MRPS6: variants seen among roughly 807,000 people sequenced by gnomAD.
MRPS6 encodes the protein mitochondrial ribosomal protein S6.
Under a neutral mutation model 13.1 loss-of-function variants are expected in MRPS6, and 6 were observed. The observed-to-expected ratio is 0.46, with a 90% CI of 0.25 to 0.91. The LOEUF (loss-of-function observed/expected upper bound fraction) is 0.91. Ranked by LOEUF, MRPS6 falls within the 40% of genes least tolerant of loss-of-function variation. The pLI, the probability that MRPS6 is intolerant of heterozygous loss-of-function variation, is 0.18. For missense variants in MRPS6, 164 were observed against 155.6 expected, an observed-to-expected ratio of 1.05 and a Z score of -0.29; for synonymous variants, 61 against 56.5, an observed-to-expected ratio of 1.08 and a Z score of -0.36.
At chr21:34,103,331 AC>A (rs1362499551) in intron 1 of MRPS6, 27 of 994,810 alleles carry the variant, frequency 2.7e-5, no homozygotes, top group Non-Finnish European at 2.8e-5. Flanking sequence ...AAAAAAAAAA[AC>A]ATGCATTACA....
chr21:34,078,819 A>G (rs1032225341), intron 1 of MRPS6, among the ~76,000 whole-genome samples: 1 of 152,212 alleles, frequency 6.6e-6, no homozygotes, highest in African/African-American at 2.4e-5. Context: ...AAGTTGTTGC[A>G]ATTTGATTAT....
At chr21:34,135,089 A>G (rs546268595) in intron 2 of MRPS6, among the ~76,000 whole-genome samples, 2 of 152,170 alleles carry the variant, frequency 1.3e-5, no homozygotes, top group East Asian at 1.9e-4. Flanking sequence ...AATTATTTTG[A>G]GATCAATAGT....
At chr21:34,095,098 C>T (rs1029886748) in intron 1 of MRPS6, 3 of 1,482,480 alleles carry the variant, frequency 2.0e-6, no homozygotes, top group African/African-American at 1.4e-5. Flanking sequence ...TCTGTGTAGT[C>T]CAGTTCACGT....
intron 1 of MRPS6, among the ~76,000 whole-genome samples, chr21:34,078,771 CA>C (rs1256766488): frequency 6.6e-6 from 1 of 152,118 alleles, no homozygotes; most frequent in Non-Finnish European, 1.5e-5. Context: ...GGGTAGAGAA[CA>C]AATGATAAAA....
At chr21:34,120,753 C>G (rs1332230745) in intron 1 of MRPS6, among the ~76,000 whole-genome samples, 1 of 152,042 alleles carries the variant, frequency 6.6e-6, no homozygotes, top group Non-Finnish European at 1.5e-5. Context: ...AATTTCACTT[C>G]TAGATGAATT....
rs773888906 is a variant in MRPS6, at chr21:34,096,550, C to T, written c.45+22805C>T. 6.2e-7 allele frequency: 1 copy of T among 1,614,102 alleles called. No homozygotes were observed. Among genetic ancestry groups the T allele is most frequent in the Admixed American group, 1.7e-5 (1 of 60,016 alleles). ...GAGGTAGCAGATTACCTGACACCCC[C>T]AGTGGCAGCCTTGTTCCTGCTGGCA... On this transcript the variant is annotated intron_variant, in intron 1 of 2. Coordinates refer to ENST00000399312, the MANE Select transcript of MRPS6 (RefSeq NM_032476.4). The surrounding 1 kb of genome is among the most constrained non-coding windows in gnomAD (Gnocchi z 5.9).
Position 34,106,140 on chromosome 21 carries a change from A to G in MRPS6, c.46-19201A>G, listed in dbSNP as rs1024086432. ...AAAAGTATTTGGAAACTTAAGATGAACTACATTTCTTGCAAAGTACATTCC... is the reference window on the plus strand; with the variant it reads ...AAAAGTATTTGGAAACTTAAGATGAGCTACATTTCTTGCAAAGTACATTCC... On this transcript the variant is annotated intron_variant, in intron 1 of 2. Coordinates refer to ENST00000399312, the MANE Select transcript of MRPS6 (RefSeq NM_032476.4). 5 of 995,184 alleles carry G rather than the reference A, an allele frequency of 5.0e-6. No homozygotes were observed. The African/African-American group carries it at 7.0e-5, about 14-fold the overall frequency. 61.6% of individuals were successfully genotyped at this position (995,184 alleles called of 1,614,324 possible). A position where few individuals can be genotyped will look rare whatever the true frequency, so the allele number is the denominator to read the frequency against.
intron 1 of MRPS6, chr21:34,103,775 A>G (rs1243721343): frequency 1.2e-5 from 12 of 999,946 alleles, no homozygotes; most frequent in South Asian, 4.7e-5. Flanking sequence ...AATAATCTCA[A>G]TAAGTTTGTA....
chr21:34,125,998 C>G (rs1569423968), intron 2 of MRPS6, among the ~76,000 whole-genome samples: 1 of 152,200 alleles, frequency 6.6e-6, no homozygotes, highest in Non-Finnish European at 1.5e-5. Context: ...ATACATGTCA[C>G]AGATTTGATT....
At chr21:34,095,789 T>C in intron 1 of MRPS6, 1 of 1,614,094 alleles carries the variant, frequency 6.2e-7, no homozygotes, top group South Asian at 1.1e-5. Context: ...TTGGGGCACT[T>C]ACACTTATGA....
intron 1 of MRPS6, chr21:34,105,740 AC>A: frequency 8.0e-6 from 8 of 998,192 alleles, no homozygotes; most frequent in Non-Finnish European, 9.7e-6. Flanking sequence ...TCTGTTGTCT[AC>A]AGCTTTTTTA....
Position 34,073,662 on chromosome 21 carries a change from C to T in MRPS6, c.-39C>T, listed in dbSNP as rs761453959. ...GTCCCGCCCCTTCGCGTCCCGGGAA[C>T]CGGCTGGCTTCCGAGCCGCACTCGC... is the stretch of plus-strand genomic sequence containing the variant. On this transcript the variant is annotated 5_prime_UTR_variant, in exon 1 of 3. Coordinates refer to ENST00000399312, the MANE Select transcript of MRPS6 (RefSeq NM_032476.4). 5.3e-6 allele frequency: 8 copies of T among 1,510,474 alleles called. No homozygotes were observed. The highest frequency in any genetic ancestry group is 3.7e-5 in the Admixed American group (2 of 53,776). The allele number at this position is 1,510,474 out of a possible 1,614,324, so 93.6% of individuals were successfully genotyped here.
intron 1 of MRPS6, among the ~76,000 whole-genome samples, chr21:34,112,177 A>C (rs1979727545): frequency 6.6e-6 from 1 of 152,204 alleles, no homozygotes; most frequent in Non-Finnish European, 1.5e-5. Context: ...AAGTACAGTT[A>C]GCAACTTTTA....
chr21:34,134,921 T>C (rs1479160367), intron 2 of MRPS6, among the ~76,000 whole-genome samples: 1 of 152,220 alleles, frequency 6.6e-6, no homozygotes, highest in Non-Finnish European at 1.5e-5. Context: ...GATGTTAGGT[T>C]AGGTGGTGTA....
intron 1 of MRPS6, among the ~76,000 whole-genome samples, chr21:34,092,847 A>G (rs1048170836): frequency 6.6e-6 from 1 of 152,162 alleles, no homozygotes; most frequent in African/African-American, 2.4e-5. Context: ...TGCTACTGCC[A>G]TTGGGAAGAG....
At chr21:34,110,976 G>A (rs907785809) in intron 1 of MRPS6, among the ~76,000 whole-genome samples, 2 of 152,086 alleles carry the variant, frequency 1.3e-5, no homozygotes, top group African/African-American at 4.8e-5. Flanking sequence ...TTTAAACAAC[G>A]AAATGACCCC....
At chr21:34,085,022 C>G (rs1363812673) in intron 1 of MRPS6, among the ~76,000 whole-genome samples, 1 of 152,178 alleles carries the variant, frequency 6.6e-6, no homozygotes, top group Non-Finnish European at 1.5e-5. Flanking sequence ...TCATCACATT[C>G]AAAACGGACA....
At chr21:34,084,614 C>T (rs906953673) in intron 1 of MRPS6, among the ~76,000 whole-genome samples, 1 of 152,100 alleles carries the variant, frequency 6.6e-6, no homozygotes, top group African/African-American at 2.4e-5. Context: ...CTCTTGAATC[C>T]TCAGCCATCT....
chr21:34,139,500 C>A (rs1980834700), intron 2 of MRPS6, among the ~76,000 whole-genome samples: 1 of 152,130 alleles, frequency 6.6e-6, no homozygotes, highest in South Asian at 2.1e-4. Flanking sequence ...TAGGGCCATT[C>A]AAGTTATCTG....
Sources: allele counts gnomAD v4.1 joint callset (sites outside exome capture counted in the v4.1 genomes callset), GRCh38; gene constraint gnomAD v4.1.1; non-coding constraint Gnocchi (gnomAD v3.1); transcripts MANE v1.5; gene names NCBI Gene and HGNC (gene_info 2026-07-23, HGNC 2026-07-21).